Variants in TMEM244 observed in about 807,000 individuals in gnomAD.
TMEM244 encodes the protein transmembrane protein 244.
Under a neutral mutation model 15.8 loss-of-function variants are expected in TMEM244, and 13 were observed. That is an observed-to-expected ratio of 0.82 (90% CI 0.53 to 1.30). TMEM244 has a LOEUF of 1.30. Ranked by LOEUF, TMEM244 falls within the 50% of genes most tolerant of loss-of-function variation. The probability of loss-of-function intolerance (pLI) is 0.00; values close to 1 mark genes in which losing one functional copy is unlikely to be tolerated. For missense variants in TMEM244, 161 were observed against 144.9 expected, an observed-to-expected ratio of 1.11 and a Z score of -0.57; for synonymous variants, 45 against 48.7, an observed-to-expected ratio of 0.92 and a Z score of 0.32.
chr6:129,835,664 G>A (rs180946276), intron 3 of TMEM244, among the ~76,000 whole-genome samples: 2 of 152,262 alleles, frequency 1.3e-5, no homozygotes, highest in East Asian at 3.9e-4. Context: ...GGGAAGCCAT[G>A]ACAGACTGTA....
chr6:129,840,212 G>T (rs1049497739), intron 3 of TMEM244, among the ~76,000 whole-genome samples: 4 of 152,116 alleles, frequency 2.6e-5, no homozygotes, highest in African/African-American at 9.7e-5. Context: ...AAACAGCATG[G>T]TACTGATACC....
intron 1 of TMEM244, among the ~76,000 whole-genome samples, chr6:129,848,250 A>G (rs941607937): frequency 2.0e-5 from 3 of 152,220 alleles, no homozygotes; most frequent in Non-Finnish European, 4.4e-5. Flanking sequence ...GGATGTGTGC[A>G]AAAGAGACAT....
chr6:129,848,486 A>G (rs1776591752), intron 1 of TMEM244, among the ~76,000 whole-genome samples: 1 of 152,216 alleles, frequency 6.6e-6, no homozygotes, highest in South Asian at 2.1e-4. Context: ...TTCTATTAGC[A>G]GGGAAGAAGG....
chr6:129,834,873 T>C (rs1776381196), intron 3 of TMEM244, among the ~76,000 whole-genome samples: 1 of 152,188 alleles, frequency 6.6e-6, no homozygotes, highest in Non-Finnish European at 1.5e-5. Flanking sequence ...CACGACATTA[T>C]TGTAGGGAAA....
intron 1 of TMEM244, among the ~76,000 whole-genome samples, chr6:129,859,118 A>G (rs990774747): frequency 1.3e-4 from 20 of 152,164 alleles, no homozygotes; most frequent in African/African-American, 4.6e-4. Flanking sequence ...TTAATAAAGT[A>G]TGTGGACTCT....
chr6:129,837,606 C>G (rs979801459), intron 3 of TMEM244, among the ~76,000 whole-genome samples: 3 of 152,018 alleles, frequency 2.0e-5, no homozygotes, highest in African/African-American at 7.2e-5. Context: ...GGCTAAATGC[C>G]CCAATTAAAA....
intron 2 of TMEM244, among the ~76,000 whole-genome samples, chr6:129,844,176 T>TA (rs1453276714): frequency 1.3e-5 from 2 of 152,120 alleles, no homozygotes; most frequent in Non-Finnish European, 2.9e-5. Flanking sequence ...TGAAGTGAGC[T>TA]AAAAAGAGTT....
chr6:129,838,827 A>G (rs1029201435), intron 3 of TMEM244, among the ~76,000 whole-genome samples: 2 of 152,238 alleles, frequency 1.3e-5, no homozygotes, highest in Admixed American at 1.3e-4. Flanking sequence ...TAGAAAATCT[A>G]GAAGAAATGG....
At chr6:129,831,633 G>A (rs1380052141) in intron 4 of TMEM244, among the ~76,000 whole-genome samples, 1 of 152,164 alleles carries the variant, frequency 6.6e-6, no homozygotes, top group African/African-American at 2.4e-5. Flanking sequence ...AGCTCCCAAA[G>A]TTGATTTTAA....
At chr6:129,832,428 C>T (rs1776342150) in intron 4 of TMEM244, among the ~76,000 whole-genome samples, 1 of 151,990 alleles carries the variant, frequency 6.6e-6, no homozygotes, top group South Asian at 2.1e-4. Flanking sequence ...TAGATCAGGG[C>T]ACTGAAAATA....
intron 1 of TMEM244, among the ~76,000 whole-genome samples, chr6:129,860,104 CGTGTGTGTGTGTGTGTGT>C (rs757397083): frequency 1.4e-5 from 2 of 140,610 alleles, no homozygotes; most frequent in African/African-American, 2.7e-5. Context: ...CTCTGCAATG[CGTGTGTGTGTGTGTGTGT>C]GTGTGTGTGT....
intron 4 of TMEM244, among the ~76,000 whole-genome samples, chr6:129,832,697 C>G (rs1776346854): frequency 6.6e-6 from 1 of 152,044 alleles, no homozygotes; most frequent in Non-Finnish European, 1.5e-5. Context: ...TCAGGTTTCC[C>G]CCATTTTGTA....
chr6:129,833,326 C>T lies in TMEM244; in HGVS notation c.319+134G>A, dbSNP rs528625275. The T allele has an allele frequency of 1.4e-4, 140 of 1,012,586 alleles. No homozygotes were observed. In the African/African-American group the frequency reaches 2.1e-3, roughly 15 times the overall value. 62.7% of individuals were successfully genotyped at this position (1,012,586 alleles called of 1,614,324 possible). On this transcript the variant is annotated intron_variant, in intron 4 of 4. Transcript: ENST00000368143. ...TTTGGCTGGAAAGAGGGATGAAGAC[C>T]TTTCATCTTCAGTTTTTATCATCTA...
rs565258250 is a variant in TMEM244, at chr6:129,853,405, G to A, written c.34-7553C>T. Among the ~76,000 whole-genome samples, 294 of 151,706 alleles carry A rather than the reference G, an allele frequency of 1.9e-3. 2 individuals are homozygous for A. The highest frequency in any genetic ancestry group is 2.2e-3 in the Non-Finnish European group (148 of 67,966). On this transcript the variant is annotated intron_variant, in intron 1 of 4. Coordinates refer to ENST00000368143, the MANE Select transcript of TMEM244 (RefSeq NM_001010876.2). Reference sequence around the variant, plus strand: ...ATGCTCCCTAACACTCTCTTTCTCCGTATAATATTCAAACACATATCATTA... The same window carrying A: ...ATGCTCCCTAACACTCTCTTTCTCCATATAATATTCAAACACATATCATTA...
intron 1 of TMEM244, among the ~76,000 whole-genome samples, chr6:129,852,053 G>A (rs1456246513): frequency 6.6e-6 from 1 of 152,142 alleles, no homozygotes; most frequent in Non-Finnish European, 1.5e-5. Context: ...CATATTTGCA[G>A]TTGAAATAAT....
intron 1 of TMEM244, among the ~76,000 whole-genome samples, chr6:129,857,691 T>C (rs1776733456): frequency 6.6e-6 from 1 of 152,070 alleles, no homozygotes; most frequent in Non-Finnish European, 1.5e-5. Context: ...GTGGAGTTAG[T>C]GGACATTCTT....
chr6:129,848,136 C>A (rs1260429481), intron 1 of TMEM244, among the ~76,000 whole-genome samples: 1 of 152,258 alleles, frequency 6.6e-6, no homozygotes, highest in East Asian at 1.9e-4. Flanking sequence ...CTTTCCTCAA[C>A]CCTTGGTCCC....
rs779493707 is a variant in TMEM244, at chr6:129,831,324, C to T, written c.382G>A (p.Val128Ile). The T allele has an allele frequency of 1.3e-6, 2 of 1,540,034 alleles. No homozygotes were observed. Among genetic ancestry groups the T allele is most frequent in the Non-Finnish European group, 1.8e-6 (2 of 1,113,042 alleles). ...WAALGISKLL[V>I] ...ATTTCTGTGCATTAGAGAATCTAAACAAGCAATTTTGATATACCTAAAGCA... is the reference window on the plus strand; with the variant it reads ...ATTTCTGTGCATTAGAGAATCTAAATAAGCAATTTTGATATACCTAAAGCA... The change falls in exon 5 of 5, where the codon GTT (valine) becomes ATT (isoleucine). Residue 128 changes from valine to isoleucine, a missense_variant. By Grantham distance (29) the Val-to-Ile change is conservative. Transcript: ENST00000368143.
chr6:129,838,243 T>A (rs1453669273), intron 3 of TMEM244, among the ~76,000 whole-genome samples: 1 of 151,148 alleles, frequency 6.6e-6, no homozygotes, highest in East Asian at 1.9e-4. Flanking sequence ...ATCTCTCAGA[T>A]CACAGTGCAA....
Sources: gnomAD v4.1 joint callset for allele counts (sites outside exome capture counted in the v4.1 genomes callset) on GRCh38, gnomAD v4.1.1 for gene constraint, MANE v1.5 for transcripts, NCBI Gene and HGNC (gene_info 2026-07-23, HGNC 2026-07-21) for gene names.